PCMTD1: variants seen among roughly 807,000 people sequenced by gnomAD.
The protein encoded by PCMTD1 is protein-L-isoaspartate O-methyltransferase domain-containing protein 1.
In PCMTD1, 12 loss-of-function variants were observed where a neutral mutation model predicts 37.6. The ratio of observed to expected loss-of-function variants is 0.32; its 90% CI spans 0.20 to 0.52. The LOEUF is 0.52. PCMTD1 is among the 20% of genes least tolerant of loss of function. The probability of loss-of-function intolerance (pLI) is 0.97; values close to 1 mark genes in which losing one functional copy is unlikely to be tolerated. For synonymous variants in PCMTD1, 117 were observed against 135.8 expected (o/e 0.86, Z 0.96); for missense variants, 235 against 421.3 (o/e 0.56, Z 3.87).
In PCMTD1 at chr8:51,860,926, A is replaced by G. The variant is rs1011268763; in HGVS notation, c.226T>C (p.Leu76=). ...PCIYSEVMEA[L]KLQPGLSFLN... is the part of the protein sequence containing the mutation. ...AAAGACAATCCTGGTTGAAGTTTCAATGCTTCCATAACTTCAGAATAAATG... is the reference window on the plus strand; with the variant it reads ...AAAGACAATCCTGGTTGAAGTTTCAGTGCTTCCATAACTTCAGAATAAATG... Residue 76 remains leucine (L), a synonymous_variant, in exon 2 of 6, where the codon TTG becomes CTG. Coordinates refer to ENST00000522514, the MANE Select transcript of PCMTD1 (RefSeq NM_052937.4). 1.2e-6 allele frequency: 2 copies of G among 1,614,008 alleles called. No homozygotes were observed. Among genetic ancestry groups the G allele is most frequent in the South Asian group, 2.2e-5 (2 of 91,076 alleles).
At chr8:51,833,404 A>G in intron 4 of PCMTD1, 114 bp downstream of exon 4, 1 of 807,542 alleles carries the variant, frequency 1.2e-6, no homozygotes, top group Non-Finnish European at 1.9e-6. Flanking sequence ...AATCTGGTGA[A>G]AAGTAATTTT....
At chr8:51,821,123 G>A (rs918076268) in intron 5 of PCMTD1, among the ~76,000 whole-genome samples, 1 of 152,192 alleles carries the variant, frequency 6.6e-6, no homozygotes, top group Non-Finnish European at 1.5e-5. Context: ...ACAGATGTGA[G>A]ATCCCATCCC....
At chr8:51,857,952 A>G (rs2038415336) in intron 2 of PCMTD1, among the ~76,000 whole-genome samples, 1 of 152,154 alleles carries the variant, frequency 6.6e-6, no homozygotes, top group African/African-American at 2.4e-5. Flanking sequence ...AGACCGTGTC[A>G]CCACGCTCCA....
intron 3 of PCMTD1, among the ~76,000 whole-genome samples, chr8:51,836,773 T>C (rs1415958961): frequency 6.6e-6 from 1 of 152,154 alleles, no homozygotes; most frequent in African/African-American, 2.4e-5. Flanking sequence ...AGAGTCTTGC[T>C]GTGTTGCCCA....
intron 5 of PCMTD1, among the ~76,000 whole-genome samples, chr8:51,829,719 G>A (rs535647434): frequency 6.6e-6 from 1 of 152,194 alleles, no homozygotes; most frequent in African/African-American, 2.4e-5. Context: ...GCAGTGAGCC[G>A]AGATCGTGCC....
chr8:51,842,821 C>T (rs946701153), intron 3 of PCMTD1, among the ~76,000 whole-genome samples: 6 of 151,832 alleles, frequency 4.0e-5, no homozygotes, highest in Non-Finnish European at 7.4e-5. Context: ...AGATCCAAAC[C>T]GGCAGCATAA....
intron 2 of PCMTD1, among the ~76,000 whole-genome samples, chr8:51,847,092 C>A (rs758764495): frequency 6.6e-6 from 1 of 152,198 alleles, no homozygotes; most frequent in Admixed American, 6.5e-5. Flanking sequence ...TAGCCTTCAA[C>A]TGAAAACTGG....
intron 2 of PCMTD1, among the ~76,000 whole-genome samples, chr8:51,858,294 T>A (rs1304463414): frequency 1.8e-5 from 2 of 112,092 alleles, no homozygotes; most frequent in Non-Finnish European, 3.6e-5. Context: ...ACTAAATATG[T>A]AGTACCCATA....
intron 3 of PCMTD1, among the ~76,000 whole-genome samples, chr8:51,839,179 T>C (rs2038110522): frequency 6.6e-6 from 1 of 151,938 alleles, no homozygotes; most frequent in African/African-American, 2.4e-5. Context: ...GTTATATGTA[T>C]ACAGAAGGAA....
At position 51,898,950 on chromosome 8, in the gene PCMTD1, C is replaced by T. The variant is rs937172258; in HGVS notation, c.-116G>A. The T allele has an allele frequency of 2.8e-6, 4 of 1,430,068 alleles. No homozygotes were observed. The highest frequency in any genetic ancestry group is 3.0e-5 in the African/African-American group (2 of 67,656). 88.6% of individuals were successfully genotyped at this position (1,430,068 alleles called of 1,614,324 possible). A position where few individuals can be genotyped will look rare whatever the true frequency, so the allele number is the denominator to read the frequency against. ...GTTACCTGTGGCGCGGGCAGCGGCGCGCAGGCCAGGCGCTAGGACTCGGCG... is the reference window on the plus strand; with the variant it reads ...GTTACCTGTGGCGCGGGCAGCGGCGTGCAGGCCAGGCGCTAGGACTCGGCG... On this transcript the variant is annotated 5_prime_UTR_variant, in exon 1 of 6. Coordinates refer to ENST00000522514, the MANE Select transcript of PCMTD1 (RefSeq NM_052937.4).
intron 2 of PCMTD1, among the ~76,000 whole-genome samples, chr8:51,855,200 A>G (rs543888455): frequency 7.0e-6 from 1 of 143,698 alleles, no homozygotes; most frequent in Non-Finnish European, 1.5e-5. Flanking sequence ...CAAACAAAAA[A>G]AAAACATAAT....
intron 3 of PCMTD1, among the ~76,000 whole-genome samples, chr8:51,834,852 A>G (rs1290245746): frequency 6.6e-6 from 1 of 152,162 alleles, no homozygotes; most frequent in East Asian, 1.9e-4. Context: ...TTTTGTTGGA[A>G]GGGTATAAAA....
At chr8:51,899,136 G>A (rs768554018), upstream of PCMTD1, 18 of 1,367,726 alleles carry the variant, frequency 1.3e-5, no homozygotes, top group Non-Finnish European at 1.7e-5. Context: ...GGGCACAGGG[G>A]CAGCTCCCCG....
At chr8:51,841,342 G>A (rs900143570) in intron 3 of PCMTD1, among the ~76,000 whole-genome samples, 1 of 152,062 alleles carries the variant, frequency 6.6e-6, no homozygotes, top group African/African-American at 2.4e-5. Context: ...CAGAGACAAT[G>A]GTCTTCCATT....
intron 3 of PCMTD1, among the ~76,000 whole-genome samples, chr8:51,839,050 TTA>T (rs1227655096): frequency 4.6e-5 from 7 of 152,110 alleles, no homozygotes; most frequent in East Asian, 1.9e-4. Flanking sequence ...CATTAAAATT[TTA>T]TGTTTGTAAG....
At chr8:51,892,077 CTTGT>C in intron 1 of PCMTD1, among the ~76,000 whole-genome samples, 1 of 152,276 alleles carries the variant, frequency 6.6e-6, no homozygotes, top group African/African-American at 2.4e-5. Context: ...TGGGGGCCTG[CTTGT>C]TTAACTCCAT....
At chr8:51,870,706 AC>A (rs1248784930) in intron 1 of PCMTD1, among the ~76,000 whole-genome samples, 1 of 152,160 alleles carries the variant, frequency 6.6e-6, no homozygotes, top group African/African-American at 2.4e-5. Flanking sequence ...AAGCTATGAA[AC>A]CCTCTGACAC....
chr8:51,853,861 C>T (rs2038343850), intron 2 of PCMTD1, among the ~76,000 whole-genome samples: 1 of 151,722 alleles, frequency 6.6e-6, no homozygotes, highest in African/African-American at 2.4e-5. Flanking sequence ...TCACTTTATC[C>T]CACCTTAGCT....
At chr8:51,879,424 A>G (rs1332055753) in intron 1 of PCMTD1, among the ~76,000 whole-genome samples, 2 of 152,224 alleles carry the variant, frequency 1.3e-5, no homozygotes, top group Non-Finnish European at 2.9e-5. Flanking sequence ...AATTAAAACT[A>G]AAGTCAGTAT....
Sources: allele counts gnomAD v4.1 joint callset (sites outside exome capture counted in the v4.1 genomes callset), GRCh38; gene constraint gnomAD v4.1.1; transcripts MANE v1.5; gene names NCBI Gene and HGNC (gene_info 2026-07-23, HGNC 2026-07-21).